Variants in PHF24 observed in about 807,000 individuals in gnomAD.
PHF24 encodes the protein Galpha inhibitory interacting protein.
Under a neutral mutation model 42.6 loss-of-function variants are expected in PHF24, and 25 were observed. The ratio of observed to expected loss-of-function variants is 0.59; its 90% CI spans 0.43 to 0.82. The LOEUF (loss-of-function observed/expected upper bound fraction) is 0.82, where lower values mean the gene tolerates loss of function less well. PHF24 is among the 40% of genes least tolerant of loss of function. The pLI, the probability that PHF24 is intolerant of heterozygous loss-of-function variation, is 0.00. For synonymous variants in PHF24, 185 were observed against 204.8 expected (o/e 0.90, Z 0.83); for missense variants, 470 against 538.1 (o/e 0.87, Z 1.25).
At chr9:34,893,321 C>T in the PHF24 span, among the ~76,000 whole-genome samples, 1 of 152,142 alleles carries the variant, frequency 6.6e-6, no homozygotes, top group Non-Finnish European at 1.5e-5. Flanking sequence ...TATTTGGAGG[C>T]TGGACATAGT....
the PHF24 span, among the ~76,000 whole-genome samples, chr9:34,667,147 G>A: frequency 4.6e-5 from 7 of 152,204 alleles, no homozygotes. Context: ...CCAGAGCTCT[G>A]ACATCCCAGT....
the PHF24 span, among the ~76,000 whole-genome samples, chr9:34,884,373 A>T: frequency 2.0e-5 from 3 of 152,202 alleles, no homozygotes; most frequent in Admixed American, 6.5e-5. Context: ...TAAAGCATTT[A>T]AAAAAAGAAT....
At chr9:34,730,401 C>G in the PHF24 span, among the ~76,000 whole-genome samples, 1 of 103,168 alleles carries the variant, frequency 9.7e-6, no homozygotes, top group African/African-American at 2.6e-5. Flanking sequence ...GAGTTCTGCT[C>G]TGGTAATGGT....
At chr9:34,823,580 A>C in the PHF24 span, among the ~76,000 whole-genome samples, 1 of 152,138 alleles carries the variant, frequency 6.6e-6, no homozygotes, top group African/African-American at 2.4e-5. Context: ...GAGATGTTCC[A>C]TCCTGGAGAC....
chr9:34,863,673 A>G, the PHF24 span, among the ~76,000 whole-genome samples: 1 of 152,236 alleles, frequency 6.6e-6, no homozygotes, highest in African/African-American at 2.4e-5. Flanking sequence ...CAAGGAGGAC[A>G]GGTACCAACA....
chr9:34,972,483 G>A (rs1256544272), exon 3 of PHF24: 1 of 1,613,680 alleles, frequency 6.2e-7, no homozygotes, highest in Non-Finnish European at 8.5e-7. Context: ...GTGCAGCGGA[G>A]GTGACGGAGA....
At chr9:34,720,612 C>T in the PHF24 span, among the ~76,000 whole-genome samples, 1 of 152,134 alleles carries the variant, frequency 6.6e-6, no homozygotes, top group Non-Finnish European at 1.5e-5. Context: ...TCCCTTCCAT[C>T]TTCTCAGGGC....
chr9:34,728,942 A>G, the PHF24 span, among the ~76,000 whole-genome samples: 143,812 of 152,206 alleles, frequency 0.94, 68,498 homozygotes, highest in East Asian at 1. Context: ...CAGAACAGAC[A>G]AAAGGGTAAA....
chr9:34,738,934 G>C, the PHF24 span, among the ~76,000 whole-genome samples: 1 of 152,190 alleles, frequency 6.6e-6, no homozygotes, highest in Non-Finnish European at 1.5e-5. Flanking sequence ...GACAGTGTTA[G>C]GATGTCCAAT....
chr9:34,698,936 T>A, the PHF24 span, among the ~76,000 whole-genome samples: 1 of 152,208 alleles, frequency 6.6e-6, no homozygotes, highest in Non-Finnish European at 1.5e-5. Context: ...AGAATCTTAG[T>A]GTAGTGGAGT....
At chr9:34,880,612 G>A in the PHF24 span, among the ~76,000 whole-genome samples, 12 of 152,100 alleles carry the variant, frequency 7.9e-5, no homozygotes, top group Non-Finnish European at 1.6e-4. Context: ...GACAAAGAAG[G>A]CCATTACATA....
chr9:34,928,826 GACAA>G, the PHF24 span, among the ~76,000 whole-genome samples: 1 of 152,132 alleles, frequency 6.6e-6, no homozygotes, highest in East Asian at 1.9e-4. Context: ...ACTTGGGATG[GACAA>G]ACAAACACTA....
At chr9:34,827,189 T>A in the PHF24 span, among the ~76,000 whole-genome samples, 1 of 152,186 alleles carries the variant, frequency 6.6e-6, no homozygotes, top group Non-Finnish European at 1.5e-5. Context: ...GCTCCCTACC[T>A]GATGCTGCTG....
the PHF24 span, among the ~76,000 whole-genome samples, chr9:34,837,986 G>C: frequency 6.6e-6 from 1 of 152,156 alleles, no homozygotes; most frequent in Non-Finnish European, 1.5e-5. Flanking sequence ...ACAGATCAAA[G>C]AGTATGTGGT....
At chr9:34,976,610 T>C (rs372508198) in exon 5 of PHF24, 2 of 1,614,038 alleles carry the variant, frequency 1.2e-6, no homozygotes, top group Non-Finnish European at 1.7e-6. Flanking sequence ...GACAGGGCCC[T>C]GAGTGAGGAG....
At chr9:34,668,112 T>G in the PHF24 span, among the ~76,000 whole-genome samples, 3 of 151,912 alleles carry the variant, frequency 2.0e-5, no homozygotes, top group Non-Finnish European at 4.4e-5. Context: ...GTCCCCAGAG[T>G]TGTTGGTATC....
the PHF24 span, among the ~76,000 whole-genome samples, chr9:34,722,291 T>C: frequency 7.9e-5 from 12 of 152,244 alleles, no homozygotes; most frequent in Admixed American, 7.2e-4. Context: ...TACTGTGGGT[T>C]AGGAAAAAAA....
chr9:34,733,492 C>A, the PHF24 span, among the ~76,000 whole-genome samples: 2 of 148,628 alleles, frequency 1.3e-5, no homozygotes, highest in African/African-American at 2.5e-5. Context: ...TATTTTATGG[C>A]TTCTGTGGGT....
At chr9:34,763,633 T>C in the PHF24 span, among the ~76,000 whole-genome samples, 3 of 152,170 alleles carry the variant, frequency 2.0e-5, no homozygotes, top group Non-Finnish European at 4.4e-5. Flanking sequence ...TACAATCATG[T>C]CATCTGCAAA....
Sources: gnomAD v4.1 joint callset for allele counts (sites outside exome capture counted in the v4.1 genomes callset) on GRCh38, gnomAD v4.1.1 for gene constraint, MANE v1.5 for transcripts, NCBI Gene and HGNC (gene_info 2026-07-23, HGNC 2026-07-21) for gene names.